RPTOR: variants seen among roughly 807,000 people sequenced by gnomAD.
The protein encoded by RPTOR is regulatory-associated protein of mTOR.
A neutral mutation model predicts 169.9 loss-of-function variants in RPTOR; 21 were observed. The ratio of observed to expected loss-of-function variants is 0.12; its 90% confidence interval spans 0.09 to 0.18. The LOEUF is 0.18. Among genes scored for constraint, RPTOR ranks in the 10% least tolerant of loss-of-function variants. The probability of loss-of-function intolerance (pLI) is 1.00; values close to 1 mark genes in which losing one functional copy is unlikely to be tolerated. For missense variants in RPTOR, 1,133 were observed against 1,855.9 expected (o/e 0.61, Z 7.16); for synonymous variants, 732 against 753.2 (o/e 0.97, Z 0.46).
At chr17:80,797,454 T>G (rs2067112407) in intron 7 of RPTOR, among the ~76,000 whole-genome samples, 2 of 152,254 alleles carry the variant, frequency 1.3e-5, no homozygotes, top group Admixed American at 1.3e-4. Flanking sequence ...GGCCATGTCT[T>G]TTGCATATTG....
At chr17:80,750,222 C>T (rs1023952496) in intron 5 of RPTOR, among the ~76,000 whole-genome samples, 4 of 152,182 alleles carry the variant, frequency 2.6e-5, no homozygotes. Flanking sequence ...ATATACATGT[C>T]CTTTTGAAAA....
rs146097597 is a variant in RPTOR, at chr17:80,810,665, C to T, written c.891-11536C>T. ...TTAAAAATCAGTTTATCAGTTCTAA[C>T]GAGAAGCCTGCTGAGATTTTGACTG... is the stretch of plus-strand genomic sequence containing the variant. On this transcript the variant is annotated intron_variant, in intron 7 of 33. Transcript: ENST00000306801. Among the ~76,000 whole-genome samples the T allele has an allele frequency of 3.0e-3, 450 of 152,212 alleles. 2 individuals carry two copies. Among genetic ancestry groups the T allele is most frequent in the Admixed American group, 5.2e-3 (79 of 15,300 alleles).
At chr17:80,586,545 C>T (rs968931821) in intron 1 of RPTOR, among the ~76,000 whole-genome samples, 7 of 152,212 alleles carry the variant, frequency 4.6e-5, no homozygotes, top group African/African-American at 7.2e-5. Flanking sequence ...CTCTGGTACC[C>T]GCCTTCCTGT....
At chr17:80,954,026 T>C (rs1182040816) in intron 28 of RPTOR, among the ~76,000 whole-genome samples, 1 of 152,212 alleles carries the variant, frequency 6.6e-6, no homozygotes, top group East Asian at 1.9e-4. Flanking sequence ...TGAGATGGGG[T>C]CTTGCTCTCA....
At chr17:80,592,486 G>A (rs544480804) in intron 1 of RPTOR, among the ~76,000 whole-genome samples, 46 of 152,214 alleles carry the variant, frequency 3.0e-4, no homozygotes, top group African/African-American at 1.1e-3. Flanking sequence ...CTGGATTTGT[G>A]TGCATCTGGG....
intron 10 of RPTOR, 26 bp downstream of exon 10, chr17:80,838,023 G>A (rs1421443361): frequency 6.3e-7 from 1 of 1,585,336 alleles, no homozygotes; most frequent in Middle Eastern, 1.7e-4. Flanking sequence ...GGCACCCTGT[G>A]CATCCGCGGC....
chr17:80,755,281 G>A (rs908570912), intron 6 of RPTOR, among the ~76,000 whole-genome samples: 7 of 152,130 alleles, frequency 4.6e-5, no homozygotes, highest in African/African-American at 1.7e-4. Context: ...TCCTTTTAGT[G>A]TTACTCACCC....
In RPTOR at chr17:80,773,798, C is replaced by CA. The variant is rs961631774; in HGVS notation, c.831-17649dup. ...CGTGTAGTCACTGTGGCGCTGCCAG[C>CA]AAACTGTTCTTTCTGGAAGAGGAAC... On this transcript the variant is annotated intron_variant, in intron 6 of 33. Transcript: ENST00000306801. 1.0e-4 allele frequency: 103 copies of CA among 985,304 alleles called. No homozygotes were observed. The African/African-American group carries it at 1.7e-3, about 17-fold the overall frequency. The allele number at this position is 985,304 out of a possible 1,614,324, so 61.0% of individuals were successfully genotyped here. A position where few individuals can be genotyped will look rare whatever the true frequency, so the allele number is the denominator to read the frequency against.
intron 17 of RPTOR, among the ~76,000 whole-genome samples, chr17:80,887,038 C>T (rs1330231684): frequency 1.3e-5 from 2 of 151,998 alleles, no homozygotes; most frequent in East Asian, 3.9e-4. Context: ...GCAGCTCTTA[C>T]CTGGTTATGG....
intron 6 of RPTOR, among the ~76,000 whole-genome samples, chr17:80,763,023 A>T (rs1334672110): frequency 6.6e-6 from 1 of 152,232 alleles, no homozygotes; most frequent in African/African-American, 2.4e-5. Context: ...CTTGTCCATG[A>T]GACACAGATT....
intron 7 of RPTOR, among the ~76,000 whole-genome samples, chr17:80,813,081 A>C (rs911111578): frequency 2.0e-5 from 3 of 152,242 alleles, no homozygotes; most frequent in Admixed American, 6.5e-5. Flanking sequence ...GTTGCAAACT[A>C]TTCAGACCAA....
intron 23 of RPTOR, 49 bp downstream of exon 23, chr17:80,923,722 C>T (rs758553455): frequency 1.0e-5 from 15 of 1,497,684 alleles, no homozygotes; most frequent in Non-Finnish European, 1.3e-5. Context: ...AGCGTTGCTT[C>T]TCAGATGGGG....
intron 20 of RPTOR, among the ~76,000 whole-genome samples, chr17:80,896,593 C>T (rs938760252): frequency 1.1e-4 from 16 of 149,986 alleles, no homozygotes; most frequent in African/African-American, 3.9e-4. Flanking sequence ...ACGGCCGCGC[C>T]GTCACACCAC....
intron 1 of RPTOR, among the ~76,000 whole-genome samples, chr17:80,624,048 G>A (rs562470182): frequency 1.6e-4 from 24 of 152,148 alleles, no homozygotes; most frequent in East Asian, 1.5e-3. Context: ...AGCTGGGACC[G>A]CAGGTGTGCA....
chr17:80,845,280 G>T lies in RPTOR; in HGVS notation c.1213-1193G>T, dbSNP rs953236800. Among the ~76,000 whole-genome samples, 2 of 152,074 alleles carry T rather than the reference G, an allele frequency of 1.3e-5. No individual in the cohort carries two copies. The highest frequency in any genetic ancestry group is 6.5e-5 in the Admixed American group (1 of 15,282). Reference sequence around the variant, plus strand: ...ACCCGGTGTGGCCCACGGAGAACTCGTGTCACCCCCTCGAGGGGCCCTGAT... The same window carrying T: ...ACCCGGTGTGGCCCACGGAGAACTCTTGTCACCCCCTCGAGGGGCCCTGAT... On this transcript the variant is annotated intron_variant, in intron 10 of 33. Transcript: ENST00000306801. The surrounding 1 kb of genome is among the most constrained non-coding windows in gnomAD (Gnocchi z 5.4).
In RPTOR at chr17:80,721,707, T is replaced by C. The variant is rs1177196434; in HGVS notation, c.508-8853T>C. Among the ~76,000 whole-genome samples the C allele has an allele frequency of 6.6e-6, 1 of 151,296 alleles. No individual in the cohort carries two copies. Among genetic ancestry groups the C allele is most frequent in the African/African-American group, 2.5e-5 (1 of 40,586 alleles). ...TGAAATGCACTTTGGGGGAGAAGGA[T>C]GAAATATTTTGGTTAATCCACTGAA... On this transcript the variant is annotated intron_variant, in intron 4 of 33. Transcript: ENST00000306801. The surrounding 1 kb of genome is among the most constrained non-coding windows in gnomAD (Gnocchi z 4.7).
chr17:80,705,470 A>G (rs1369694307), intron 3 of RPTOR, among the ~76,000 whole-genome samples: 1 of 152,216 alleles, frequency 6.6e-6, no homozygotes, highest in Non-Finnish European at 1.5e-5. Context: ...CCTCATCTGA[A>G]AGATATTCAT....
At chr17:80,769,814 A>C (rs894698116) in intron 6 of RPTOR, among the ~76,000 whole-genome samples, 3 of 152,292 alleles carry the variant, frequency 2.0e-5, no homozygotes, top group African/African-American at 7.2e-5. Context: ...ATCTGAGTGA[A>C]GGATGGTGGC....
Position 80,631,945 on chromosome 17 carries a change from C to T in RPTOR, c.265+6152C>T, listed in dbSNP as rs541794904. ...CAGAGTGAGACCCTGTCTCAAAAAA[C>T]CCCAAATTCTTCTCATCTAAATCTC... On this transcript the variant is annotated intron_variant, in intron 2 of 33. Transcript: ENST00000306801. Among the ~76,000 whole-genome samples the T allele has an allele frequency of 4.6e-5, 7 of 152,310 alleles. 1 individual carries two copies. The East Asian group carries it at 7.7e-4, about 17-fold the overall frequency.
Sources: gnomAD v4.1 joint callset for allele counts (sites outside exome capture counted in the v4.1 genomes callset) on GRCh38, gnomAD v4.1.1 for gene constraint, Gnocchi (gnomAD v3.1) non-coding constraint, MANE v1.5 for transcripts, NCBI Gene and HGNC (gene_info 2026-07-23, HGNC 2026-07-21) for gene names.